The following B9D1 variants were observed in gnomAD, a reference collection of about 807,000 sequenced individuals.
The protein encoded by B9D1 is B9 domain-containing protein 1.
Under a neutral mutation model 26.1 loss-of-function variants are expected in B9D1, and 20 were observed. The observed-to-expected ratio is 0.77, with a 90% CI of 0.54 to 1.12. B9D1 has a LOEUF of 1.12. B9D1 is among the 50% of genes most tolerant of loss of function. B9D1 has a pLI of 0.00. For missense variants in B9D1, 260 were observed against 273.7 expected (o/e 0.95, Z 0.35); for synonymous variants, 105 against 103.1 (o/e 1.02, Z -0.11).
At chr17:19,376,383 C>T (rs1366932669) in intron 1 of B9D1, among the ~76,000 whole-genome samples, 1 of 152,074 alleles carries the variant, frequency 6.6e-6, no homozygotes, top group Non-Finnish European at 1.5e-5. Flanking sequence ...TATACCCCTC[C>T]AACATTAACA....
In B9D1 at chr17:19,362,703, G is replaced by C. The variant is rs113754722; in HGVS notation, c.-134C>G. 2 of 1,532,502 alleles carry C rather than the reference G, an allele frequency of 1.3e-6. No homozygotes were observed. The highest frequency in any genetic ancestry group is 2.7e-5 in the African/African-American group (2 of 72,838). 94.9% of individuals were successfully genotyped at this position (1,532,502 alleles called of 1,614,324 possible). ...GCAGCGACACCTTCGCGAAGGCCAC[G>C]CGAGTGCGCGTGTGGCATGCGCAGG... On this transcript the variant is annotated 5_prime_UTR_variant, in exon 1 of 7. Transcript: ENST00000261499.
upstream of B9D1, chr17:19,362,854 A>T (rs1454284608): frequency 1.4e-6 from 1 of 707,188 alleles, no homozygotes; most frequent in African/African-American, 1.8e-5. Flanking sequence ...TGTCGGGTAA[A>T]GCCAGCCCTA....
intron 5 of B9D1, chr17:19,344,568 C>A: frequency 4.2e-6 from 1 of 238,004 alleles, no homozygotes; most frequent in Non-Finnish European, 8.9e-6. Flanking sequence ...CGGGTGGGTC[C>A]AGCAGCCGCG....
downstream of B9D1, among the ~76,000 whole-genome samples, chr17:19,340,033 A>ACCCCCCCCCCCCCCC (rs56279237): frequency 9.0e-6 from 1 of 110,590 alleles, no homozygotes. Context: ...CACATGCCCA[A>ACCCCCCCCCCCCCCC]CCCCCCCCCC....
downstream of B9D1, chr17:19,335,598 A>T: frequency 2.3e-6 from 2 of 861,194 alleles, no homozygotes; most frequent in Non-Finnish European, 3.4e-6. Context: ...CCTGGGCAAC[A>T]GTCCCTAGGC....
chr17:19,362,337 CG>C (rs1911202112), intron 1 of B9D1, among the ~76,000 whole-genome samples, 169 bp downstream of exon 1: 1 of 152,212 alleles, frequency 6.6e-6, no homozygotes. Context: ...ACTCAGGATC[CG>C]GGCAACCTCG....
intron 1 of B9D1, among the ~76,000 whole-genome samples, chr17:19,371,848 G>A (rs936989502): frequency 2.6e-5 from 4 of 152,230 alleles, no homozygotes; most frequent in Non-Finnish European, 5.9e-5. Flanking sequence ...GGGAGAGGCT[G>A]CCACAGACAT....
intron 5 of B9D1, among the ~76,000 whole-genome samples, chr17:19,344,101 CGCTGGCCGGTTA>C (rs1908372172): frequency 6.6e-6 from 1 of 152,232 alleles, no homozygotes; most frequent in South Asian, 2.1e-4. Context: ...ACGCTGCCTC[CGCTGGCCGGTTA>C]GGCTTTTCCA....
rs373602051 is a variant in B9D1, at chr17:19,360,290, C to T, written c.132+30G>A. The stretch of plus-strand genomic sequence containing the variant: ...TCAGAAACCCCAAAAGTCATGAAGG[C>T]GGTAAGGGAGGCCCAAGAGTCCAGC... On this transcript the variant is annotated intron_variant, in intron 2 of 6. Transcript: ENST00000261499. The T allele has an allele frequency of 3.5e-5, 56 of 1,608,394 alleles. No homozygotes were observed. In the African/African-American group the frequency reaches 5.5e-4, roughly 16 times the overall value.
intron 1 of B9D1, 50 bp from the exon 2 acceptor site, chr17:19,360,438 A>C (rs1462120367): frequency 1.3e-6 from 2 of 1,546,762 alleles, no homozygotes; most frequent in East Asian, 4.5e-5. Flanking sequence ...TGCTGAGGCC[A>C]ATGCATTTGC....
Position 19,347,975 on chromosome 17 carries a change from G to A in B9D1, c.245-95C>T, listed in dbSNP as rs970227141. 9.2e-7 allele frequency: 1 copy of A among 1,092,274 alleles called. No individual in the cohort carries two copies. The highest frequency in any genetic ancestry group is 1.5e-5 in the African/African-American group (1 of 64,702). 67.7% of individuals were successfully genotyped at this position (1,092,274 alleles called of 1,614,324 possible). A position where few individuals can be genotyped will look rare whatever the true frequency, so the allele number is the denominator to read the frequency against. On this transcript the variant is annotated intron_variant, in intron 3 of 6. Transcript: ENST00000261499. The surrounding 1 kb of genome is among the most constrained non-coding windows in gnomAD (Gnocchi z 4.3). ...CGTGTCCAGCTGAGGGTGCTCAAAGGATGGAGCTCAAAACTCTGGGGTGGC... is the reference window on the plus strand; with the variant it reads ...CGTGTCCAGCTGAGGGTGCTCAAAGAATGGAGCTCAAAACTCTGGGGTGGC...
intron 3 of B9D1, among the ~76,000 whole-genome samples, chr17:19,353,594 G>T (rs943524445): frequency 6.6e-6 from 1 of 151,760 alleles, no homozygotes; most frequent in African/African-American, 2.4e-5. Context: ...AGCCAAGACC[G>T]CCCGCCATTG....
At chr17:19,337,275 A>G (rs1048197089), downstream of B9D1, among the ~76,000 whole-genome samples, 1 of 152,214 alleles carries the variant, frequency 6.6e-6, no homozygotes, top group Non-Finnish European at 1.5e-5. Context: ...CCTGTGCCTC[A>G]GAGCCACCAA....
chr17:19,338,270 T>A (rs1907622039), downstream of B9D1, among the ~76,000 whole-genome samples: 1 of 152,212 alleles, frequency 6.6e-6, no homozygotes, highest in Admixed American at 6.5e-5. Context: ...GGTGCCCTGC[T>A]CTGGGCTCTG....
At chr17:19,335,689 G>T, downstream of B9D1, 1 of 398,752 alleles carries the variant, frequency 2.5e-6, no homozygotes, top group Non-Finnish European at 4.4e-6. Flanking sequence ...TTTTTAAGTT[G>T]GAGACCTAAA....
upstream of B9D1, among the ~76,000 whole-genome samples, chr17:19,365,679 C>T (rs1911553544): frequency 6.6e-6 from 1 of 152,158 alleles, no homozygotes; most frequent in East Asian, 1.9e-4. The surrounding 1 kb of genome is among the most constrained non-coding windows in gnomAD (Gnocchi z 5.0). Context: ...CAGCTTCCAC[C>T]CCTCACCCCT....
downstream of B9D1, chr17:19,335,564 G>A (rs889720437): frequency 4.1e-5 from 55 of 1,339,434 alleles, no homozygotes; most frequent in Admixed American, 1.2e-4. Context: ...CGTGGGGTGG[G>A]GGGTGCTTCT....
upstream of B9D1, chr17:19,362,772 C>G (rs1911315893): frequency 3.9e-3 from 2,836 of 720,462 alleles, no homozygotes; most frequent in Non-Finnish European, 5.4e-3. Flanking sequence ...GCACAAGGGG[C>G]GGGGATCCAC....
intron 5 of B9D1, among the ~76,000 whole-genome samples, chr17:19,344,086 C>T (rs1908367885): frequency 6.6e-6 from 1 of 152,242 alleles, no homozygotes. Context: ...ATGTGCTCTG[C>T]AGCCACGCTG....
Sources: allele counts gnomAD v4.1 joint callset (sites outside exome capture counted in the v4.1 genomes callset), GRCh38; gene constraint gnomAD v4.1.1; non-coding constraint Gnocchi (gnomAD v3.1); transcripts MANE v1.5; gene names NCBI Gene and HGNC (gene_info 2026-07-23, HGNC 2026-07-21).